Variants in CACNA1C observed in about 807,000 individuals in gnomAD.
CACNA1C encodes voltage-dependent L-type calcium channel subunit alpha-1C.
A neutral mutation model predicts 229.0 loss-of-function variants in CACNA1C; 30 were observed. That is an observed-to-expected ratio of 0.13 (90% CI 0.10 to 0.18). CACNA1C has a LOEUF of 0.18. CACNA1C is among the 10% of genes least tolerant of loss of function. CACNA1C has a pLI of 1.00. For missense variants in CACNA1C, 1,658 were observed against 2,845.0 expected (o/e 0.58, Z 9.49); for synonymous variants, 1,114 against 1,132.5 (o/e 0.98, Z 0.33).
chr12:2,666,438 C>T lies in CACNA1C; in HGVS notation c.4527-248C>T, dbSNP rs2096111678. On this transcript the variant is annotated intron_variant, in intron 36 of 46. Coordinates refer to ENST00000399655, the MANE Select transcript of CACNA1C (RefSeq NM_000719.7). This position sits in a 1 kb window ranked among gnomAD's most constrained non-coding sequence, Gnocchi z 5.3. Reference sequence around the variant, plus strand: ...GAGAATTTTGTTGCACTGCTAAAATCCCTTCCACCTTGAACATAGCATGGG... The same window carrying T: ...GAGAATTTTGTTGCACTGCTAAAATTCCTTCCACCTTGAACATAGCATGGG... 6.6e-6 allele frequency among the ~76,000 whole-genome samples: 1 copy of T among 152,162 alleles called. No homozygotes were observed. Among genetic ancestry groups the T allele is most frequent in the South Asian group, 2.1e-4 (1 of 4,832 alleles).
At chr12:2,310,262 C>T (rs1305853478) in intron 3 of CACNA1C, among the ~76,000 whole-genome samples, 1 of 151,732 alleles carries the variant, frequency 6.6e-6, no homozygotes, top group Non-Finnish European at 1.5e-5. Flanking sequence ...TGTTTGACTC[C>T]AGGGCCTACA....
chr12:2,086,079 A>G (rs1445722188), intron 1 of CACNA1C, among the ~76,000 whole-genome samples: 1 of 152,186 alleles, frequency 6.6e-6, no homozygotes, highest in Non-Finnish European at 1.5e-5. Context: ...GCACCACTGC[A>G]GCACTCTAAG....
chr12:2,540,424 C>T (rs948281737), intron 9 of CACNA1C, among the ~76,000 whole-genome samples: 2 of 152,172 alleles, frequency 1.3e-5, no homozygotes, highest in African/African-American at 2.4e-5. Context: ...GCCACAGATG[C>T]GAACTGGGCC....
At chr12:2,229,663 A>G (rs74390179) in intron 3 of CACNA1C, among the ~76,000 whole-genome samples, 2,089 of 152,282 alleles carry the variant, frequency 0.014, 29 homozygotes, top group Non-Finnish European at 0.024. Context: ...CCTGAGCACC[A>G]TCTATGGGAA....
At chr12:2,661,566 T>C (rs2095743009) in intron 34 of CACNA1C, among the ~76,000 whole-genome samples, 1 of 152,150 alleles carries the variant, frequency 6.6e-6, no homozygotes, top group African/African-American at 2.4e-5. Flanking sequence ...TCTACCAGAC[T>C]ATCAAGGAGT....
intron 3 of CACNA1C, among the ~76,000 whole-genome samples, chr12:2,236,409 C>G (rs1409017882): frequency 6.6e-6 from 1 of 152,188 alleles, no homozygotes; most frequent in Non-Finnish European, 1.5e-5. Context: ...ATAGGGAGCT[C>G]TTTCAGCAAT....
Position 2,665,100 on chromosome 12 carries a change from T to C in CACNA1C, c.4398+110T>C. The C allele has an allele frequency of 2.5e-6, 3 of 1,200,814 alleles. No individual in the cohort carries two copies. The highest frequency in any genetic ancestry group is 3.6e-6 in the Non-Finnish European group (3 of 842,492). 74.4% of individuals were successfully genotyped at this position (1,200,814 alleles called of 1,614,324 possible). The stretch of plus-strand genomic sequence containing the variant: ...GTCAGGGCAACCCTATCAGAGGAGC[T>C]GGCTTGGGAAGACTAAGTTGGCAGG... On this transcript the variant is annotated intron_variant, in intron 35 of 46. Coordinates refer to ENST00000399655, the MANE Select transcript of CACNA1C (RefSeq NM_000719.7). This position sits in a 1 kb window ranked among gnomAD's most constrained non-coding sequence, Gnocchi z 5.9.
At chr12:2,069,345 G>C (rs944950988) in intron 1 of CACNA1C, among the ~76,000 whole-genome samples, 4 of 152,178 alleles carry the variant, frequency 2.6e-5, no homozygotes, top group African/African-American at 7.2e-5. Context: ...AACCAAAGAC[G>C]GAGCCTTATG....
chr12:2,516,445 G>A (rs904228695), intron 9 of CACNA1C, among the ~76,000 whole-genome samples: 3 of 152,148 alleles, frequency 2.0e-5, no homozygotes, highest in African/African-American at 7.2e-5. Context: ...ACACTTATCA[G>A]GATCCGTCTG....
intron 3 of CACNA1C, among the ~76,000 whole-genome samples, chr12:2,366,688 G>A (rs1244496830): frequency 6.6e-6 from 1 of 152,074 alleles, no homozygotes; most frequent in Non-Finnish European, 1.5e-5. Context: ...TTGGCAGCAG[G>A]GACCATTTAT....
chr12:1,972,137 C>T (rs996191813), intron 1 of CACNA1C, among the ~76,000 whole-genome samples: 2 of 152,218 alleles, frequency 1.3e-5, no homozygotes, highest in Non-Finnish European at 2.9e-5. Context: ...CCTCTTTTTA[C>T]TTGGAAAGCC....
rs112870137 is a variant in CACNA1C at position 2,304,843 on chromosome 12, A to G, written c.478-144133A>G. Among the ~76,000 whole-genome samples the G allele has an allele frequency of 2.3e-3, 353 of 152,220 alleles. 1 individual carries two copies. The highest frequency in any genetic ancestry group is 8.3e-3 in the African/African-American group (343 of 41,544). ...GCATCAACACCTGGGCACAAAGAAC[A>G]GGTCTCAGGCAGGGCAGGCAGGGTG... On this transcript the variant is annotated intron_variant, in intron 3 of 46. Coordinates refer to ENST00000399655, the MANE Select transcript of CACNA1C (RefSeq NM_000719.7).
At chr12:2,158,618 G>A (rs1404606504) in intron 3 of CACNA1C, among the ~76,000 whole-genome samples, 3 of 152,200 alleles carry the variant, frequency 2.0e-5, no homozygotes, top group African/African-American at 7.2e-5. Flanking sequence ...AAGCTAGAAG[G>A]CGAAGGAGAA....
intron 45 of CACNA1C, 114 bp from the exon 46 acceptor site, chr12:2,688,333 C>A: frequency 1.1e-6 from 1 of 902,010 alleles, no homozygotes; most frequent in East Asian, 2.5e-5. Context: ...GAATACCAGG[C>A]AGGTGGAGCT....
At chr12:2,405,375 A>G (rs142220211) in intron 3 of CACNA1C, among the ~76,000 whole-genome samples, 3 of 152,292 alleles carry the variant, frequency 2.0e-5, no homozygotes, top group Non-Finnish European at 2.9e-5. Flanking sequence ...TTCCTTCGCT[A>G]TGGAGATCTT....
At chr12:2,509,576 G>A (rs532808068) in intron 8 of CACNA1C, among the ~76,000 whole-genome samples, 15 of 152,218 alleles carry the variant, frequency 9.9e-5, no homozygotes, top group East Asian at 5.8e-4. Context: ...CACTAGCACC[G>A]TAACTCGCAC....
chr12:2,396,668 C>G (rs2098587533), intron 3 of CACNA1C, among the ~76,000 whole-genome samples: 2 of 152,238 alleles, frequency 1.3e-5, no homozygotes, highest in African/African-American at 2.4e-5. Context: ...TTTCTGGGGA[C>G]CCAGCAGCCC....
intron 3 of CACNA1C, among the ~76,000 whole-genome samples, chr12:2,123,911 TATG>T (rs2088428664): frequency 6.6e-6 from 1 of 152,184 alleles, no homozygotes; most frequent in Non-Finnish European, 1.5e-5. Context: ...TGAGCCAAAA[TATG>T]TAAAGCCCTT....
At chr12:2,360,217 G>A (rs2097525932) in intron 3 of CACNA1C, among the ~76,000 whole-genome samples, 1 of 117,168 alleles carries the variant, frequency 8.5e-6, no homozygotes, top group Admixed American at 1.2e-4. Flanking sequence ...CAGGACAAAT[G>A]CAGAACTAAC....
Sources: allele counts gnomAD v4.1 joint callset (sites outside exome capture counted in the v4.1 genomes callset), GRCh38; gene constraint gnomAD v4.1.1; non-coding constraint Gnocchi (gnomAD v3.1); transcripts MANE v1.5; gene names NCBI Gene and HGNC (gene_info 2026-07-23, HGNC 2026-07-21).